The following SLC25A26 variants were observed in gnomAD, a reference collection of about 807,000 sequenced individuals.
The protein encoded by SLC25A26 is solute carrier family 25 member 26.
Under a neutral mutation model 37.8 loss-of-function variants are expected in SLC25A26, and 36 were observed. The ratio of observed to expected loss-of-function variants is 0.95; its 90% CI spans 0.73 to 1.26. The LOEUF is 1.26. SLC25A26 is among the 50% of genes most tolerant of loss of function. SLC25A26 has a pLI of 0.00. For missense variants in SLC25A26, 390 were observed against 331.1 expected, an observed-to-expected ratio of 1.18 and a Z score of -1.38; for synonymous variants, 129 against 122.5, an observed-to-expected ratio of 1.05 and a Z score of -0.35.
chr3:66,179,004 GA>G (rs1289658670), intron 1 of SLC25A26, among the ~76,000 whole-genome samples: 4 of 152,178 alleles, frequency 2.6e-5, no homozygotes, highest in Non-Finnish European at 4.4e-5. Context: ...AAGCAGCATA[GA>G]GAGGATTTCA....
chr3:66,265,757 A>G, intron 5 of SLC25A26, among the ~76,000 whole-genome samples: 1 of 152,268 alleles, frequency 6.6e-6, no homozygotes, highest in South Asian at 2.1e-4. Context: ...TAATGTTTCA[A>G]AATTAGTTAA....
rs563618461 is a variant in SLC25A26 at position 66,246,903 on chromosome 3, C to G, written c.300+3591C>G. 2.0e-5 allele frequency among the ~76,000 whole-genome samples: 3 copies of G among 152,280 alleles called. No individual in the cohort carries two copies. The South Asian group carries it at 6.2e-4, about 32-fold the overall frequency. On this transcript the variant is annotated intron_variant, in intron 3 of 9. Transcript: ENST00000354883. ...TTAAGACGGAGTCTTGCTCTTTCGC[C>G]CATGCTGGAGTGCAGTGGCGCGATC...
intron 1 of SLC25A26, among the ~76,000 whole-genome samples, chr3:66,207,146 T>C (rs1343417929): frequency 2.6e-5 from 4 of 152,092 alleles, no homozygotes; most frequent in Admixed American, 6.5e-5. Context: ...ACCACATGTA[T>C]GGTATCTGTG....
chr3:66,280,787 C>G (rs1458930930), intron 5 of SLC25A26, among the ~76,000 whole-genome samples: 1 of 152,110 alleles, frequency 6.6e-6, no homozygotes, highest in Admixed American at 6.6e-5. Flanking sequence ...CTCTGCTCCT[C>G]TTTCTTCCTC....
At chr3:66,282,823 C>A (rs1056869417) in intron 5 of SLC25A26, among the ~76,000 whole-genome samples, 3 of 152,128 alleles carry the variant, frequency 2.0e-5, no homozygotes, top group Non-Finnish European at 4.4e-5. Context: ...CCCCAAAGTC[C>A]CTTCTGCTAG....
At chr3:66,164,927 A>T (rs1002382914) in intron 1 of SLC25A26, among the ~76,000 whole-genome samples, 1 of 152,192 alleles carries the variant, frequency 6.6e-6, no homozygotes, top group Non-Finnish European at 1.5e-5. Flanking sequence ...ACAAGGATGC[A>T]TGGAAGAAGC....
chr3:66,240,078 A>G (rs2072498689), intron 2 of SLC25A26, among the ~76,000 whole-genome samples: 2 of 152,118 alleles, frequency 1.3e-5, no homozygotes, highest in African/African-American at 4.8e-5. Context: ...CAAAAAATAC[A>G]TAAGAACTGG....
At chr3:66,216,318 C>G (rs2071360811), upstream of SLC25A26, among the ~76,000 whole-genome samples, 1 of 152,132 alleles carries the variant, frequency 6.6e-6, no homozygotes, top group African/African-American at 2.4e-5. Context: ...TCAAGACAAG[C>G]TTGGGCAACA....
chr3:66,302,021 A>G (rs1208660026), intron 5 of SLC25A26, among the ~76,000 whole-genome samples: 3 of 152,244 alleles, frequency 2.0e-5, no homozygotes, highest in East Asian at 3.8e-4. Context: ...TATAAATGTT[A>G]TAATTTATGA....
intron 3 of SLC25A26, among the ~76,000 whole-genome samples, chr3:66,245,081 T>C (rs2072766896): frequency 6.6e-6 from 1 of 152,160 alleles, no homozygotes; most frequent in Non-Finnish European, 1.5e-5. Flanking sequence ...TTTTTGTTTC[T>C]ATTTTTGAAG....
intron 7 of SLC25A26, among the ~76,000 whole-genome samples, chr3:66,365,941 A>G (rs2076815010): frequency 6.6e-6 from 1 of 152,146 alleles, no homozygotes; most frequent in Admixed American, 6.5e-5. Context: ...TGCTGCCCCC[A>G]CATTCTCAGC....
chr3:66,377,417 GCTGGAAGTGCCTTCCAGC>G (rs1163047574), intron 9 of SLC25A26, among the ~76,000 whole-genome samples: 2 of 152,062 alleles, frequency 1.3e-5, no homozygotes, highest in African/African-American at 4.8e-5. Context: ...AGAGGTGTGG[GCTGGAAGTGCCTTCCAGC>G]CTTACCTAGG....
chr3:66,179,652 G>A (rs151279861), intron 1 of SLC25A26, among the ~76,000 whole-genome samples: 21,059 of 151,688 alleles, frequency 0.14, 1,765 homozygotes, highest in African/African-American at 0.23. Context: ...TTCCTCTATC[G>A]TCCCTCTATA....
At chr3:66,272,331 CAG>C (rs2073986989) in intron 5 of SLC25A26, among the ~76,000 whole-genome samples, 1 of 152,050 alleles carries the variant, frequency 6.6e-6, no homozygotes, top group Admixed American at 6.6e-5. Context: ...ATTTTATAAA[CAG>C]ATAAATTTTT....
rs1700294223 is a variant in SLC25A26 at position 66,370,597 on chromosome 3, G to A, written c.702G>A (p.Leu234=). The A allele has an allele frequency of 1.9e-6, 3 of 1,613,398 alleles. No homozygotes were observed. The highest frequency in any genetic ancestry group is 1.7e-5 in the Admixed American group (1 of 59,986). Residue 234 remains leucine, a synonymous_variant, in exon 9 of 10, where the codon CTG becomes CTA. Coordinates refer to ENST00000354883, the MANE Select transcript of SLC25A26 (RefSeq NM_001379210.1). ...ATGGGGTCTGGCGGTCACAGGGGCT[G>A]GCAGGGTAAGACGAGGAATGCCCTC... The part of the protein sequence containing the change: ...VLHGVWRSQG[L]AGLFAGVFPR...
At chr3:66,263,744 C>T (rs13066700) in intron 5 of SLC25A26, among the ~76,000 whole-genome samples, 11 of 152,186 alleles carry the variant, frequency 7.2e-5, no homozygotes, top group Admixed American at 1.3e-4. Flanking sequence ...CTGCAACCTC[C>T]GCCTCCCAGG....
intron 1 of SLC25A26, among the ~76,000 whole-genome samples, chr3:66,152,047 C>T (rs781055952): frequency 2.0e-5 from 3 of 152,268 alleles, no homozygotes; most frequent in Non-Finnish European, 4.4e-5. Flanking sequence ...AAGCCAATAA[C>T]GATGTCCAGC....
chr3:66,220,920 G>T, upstream of SLC25A26: 1 of 701,916 alleles, frequency 1.4e-6, no homozygotes, highest in Non-Finnish European at 2.4e-6. Context: ...CTCCTCTCTG[G>T]CCCTCCCCTA....
intron 1 of SLC25A26, among the ~76,000 whole-genome samples, chr3:66,223,126 A>G (rs141235416): frequency 5.0e-4 from 76 of 152,360 alleles, no homozygotes; most frequent in African/African-American, 1.7e-3. Flanking sequence ...AACAGTTGCA[A>G]TGAATAAGTG....
Sources: allele counts gnomAD v4.1 joint callset (sites outside exome capture counted in the v4.1 genomes callset), GRCh38; gene constraint gnomAD v4.1.1; transcripts MANE v1.5; gene names NCBI Gene and HGNC (gene_info 2026-07-23, HGNC 2026-07-21).